The following ESR2 variants were observed in gnomAD, a reference collection of about 807,000 sequenced individuals.
The protein encoded by ESR2 is estrogen receptor 2.
ESR2 carries 36 observed loss-of-function variants against 49.6 expected under a neutral mutation model. The observed-to-expected ratio is 0.73, with a 90% CI of 0.56 to 0.96. The LOEUF (loss-of-function observed/expected upper bound fraction) is 0.96, where lower values mean the gene tolerates loss of function less well. Ranked by LOEUF, ESR2 falls within the 40% of genes least tolerant of loss-of-function variation. ESR2 has a pLI of 0.00. For synonymous variants in ESR2, 320 were observed against 266.1 expected, an observed-to-expected ratio of 1.20 and a Z score of -1.97; for missense variants, 714 against 693.0, an observed-to-expected ratio of 1.03 and a Z score of -0.34.
intron 3 of ESR2, among the ~76,000 whole-genome samples, chr14:64,270,035 A>G (rs1490095742): frequency 6.6e-6 from 1 of 152,174 alleles, no homozygotes; most frequent in Admixed American, 6.5e-5. Flanking sequence ...AAATTATAAT[A>G]AAATAGATGA....
chr14:64,324,383 A>G (rs1353899678), intron 1 of ESR2, among the ~76,000 whole-genome samples: 1 of 152,186 alleles, frequency 6.6e-6, no homozygotes, highest in East Asian at 1.9e-4. Flanking sequence ...CACTTTTCCA[A>G]TGTTAAGTGA....
At chr14:64,295,605 G>A (rs1053332369), upstream of ESR2, among the ~76,000 whole-genome samples, 47 of 152,180 alleles carry the variant, frequency 3.1e-4, no homozygotes, top group Admixed American at 1.3e-4. Flanking sequence ...GACGGGAAGA[G>A]TGTGTCGCTG....
intron 7 of ESR2, among the ~76,000 whole-genome samples, chr14:64,246,735 A>C (rs1402589776): frequency 1.6e-4 from 2 of 12,340 alleles, no homozygotes; most frequent in South Asian, 6.3e-3. Context: ...AGACTCTGTC[A>C]AAAAAAAAAA....
chr14:64,258,616 A>G (rs964190161), intron 5 of ESR2, among the ~76,000 whole-genome samples: 4 of 152,208 alleles, frequency 2.6e-5, no homozygotes, highest in African/African-American at 9.7e-5. Flanking sequence ...CAGCAGAGAG[A>G]ACACACATGG....
At chr14:64,329,843 A>C (rs2077434074) in intron 1 of ESR2, 1 of 152,146 alleles carries the variant, frequency 6.6e-6, no homozygotes, top group Non-Finnish European at 1.5e-5. Context: ...AAGTCAAGTC[A>C]AGATAAACTA....
chr14:64,239,428 T>TC (rs2075674591), intron 7 of ESR2, among the ~76,000 whole-genome samples: 1 of 152,232 alleles, frequency 6.6e-6, no homozygotes, highest in Non-Finnish European at 1.5e-5. Context: ...GCTTAACCCC[T>TC]CTATTTCTTT....
chr14:64,227,838 G>A, downstream of ESR2: 1 of 1,587,126 alleles, frequency 6.3e-7, no homozygotes, highest in South Asian at 1.1e-5. Context: ...TATATCGTCT[G>A]CAAATCTTTC....
chr14:64,234,974 C>T lies in ESR2; in HGVS notation c.1402G>A (p.Ala468Thr). The change falls in exon 8 of 9, where the codon GCG becomes ACG. Residue 468 changes from alanine (A) to threonine (T), a missense_variant. Coordinates refer to ENST00000341099, the MANE Select transcript of ESR2 (RefSeq NM_001437.3). ...GCAGCTCCTTAGGGCGCGTACCTCG[C>T]ATGCCTGACGTGGGACAGGAGCATC... ...LLMLLSHVRH[A>T]SNKGMEHLLN... The T allele has an allele frequency of 6.2e-7, 1 of 1,614,074 alleles. No individual in the cohort carries two copies. Among genetic ancestry groups the T allele is most frequent in the Non-Finnish European group, 8.5e-7 (1 of 1,179,918 alleles).
At chr14:64,331,417 CTT>C (rs2077456468) in intron 1 of ESR2, among the ~76,000 whole-genome samples, 1 of 152,212 alleles carries the variant, frequency 6.6e-6, no homozygotes, top group African/African-American at 2.4e-5. Context: ...TTTTGACACA[CTT>C]TTCTCAATAA....
chr14:64,333,289 C>T (rs1010098902), intron 1 of ESR2, among the ~76,000 whole-genome samples: 1 of 152,028 alleles, frequency 6.6e-6, no homozygotes, highest in South Asian at 2.1e-4. Flanking sequence ...TTTTATAATT[C>T]GTTCCGTTAA....
intron 1 of ESR2, among the ~76,000 whole-genome samples, chr14:64,288,542 GT>G (rs1425481269): frequency 6.6e-6 from 1 of 151,714 alleles, no homozygotes; most frequent in Non-Finnish European, 1.5e-5. Flanking sequence ...TAGAGACGGG[GT>G]TTCACCATGT....
chr14:64,263,490 C>G (rs1314374454), intron 4 of ESR2, among the ~76,000 whole-genome samples: 1 of 152,054 alleles, frequency 6.6e-6, no homozygotes, highest in East Asian at 1.9e-4. Flanking sequence ...AACCCCATCT[C>G]TACTACAAAT....
At chr14:64,256,824 T>C (rs2076108628) in intron 6 of ESR2, among the ~76,000 whole-genome samples, 2 of 152,148 alleles carry the variant, frequency 1.3e-5, no homozygotes, top group South Asian at 4.1e-4. Context: ...TCTAAGAATT[T>C]TATCACCTGT....
At chr14:64,262,268 C>T (rs1031617368) in intron 4 of ESR2, among the ~76,000 whole-genome samples, 3 of 152,188 alleles carry the variant, frequency 2.0e-5, no homozygotes, top group Admixed American at 2.0e-4. Flanking sequence ...GTGTGCACCA[C>T]CACATCTGAC....
intron 7 of ESR2, among the ~76,000 whole-genome samples, chr14:64,235,514 A>T (rs2075578064): frequency 6.6e-6 from 1 of 152,220 alleles, no homozygotes; most frequent in South Asian, 2.1e-4. Flanking sequence ...GATTAATTCT[A>T]CTTTTAGCCC....
intron 1 of ESR2, among the ~76,000 whole-genome samples, chr14:64,283,807 A>G (rs1343374988): frequency 7.1e-6 from 1 of 140,546 alleles, no homozygotes; most frequent in Non-Finnish European, 1.5e-5. Context: ...AAGTTTTTAA[A>G]AGAAAGAAAA....
chr14:64,286,963 C>T (rs1186925344), intron 1 of ESR2, among the ~76,000 whole-genome samples: 2 of 151,180 alleles, frequency 1.3e-5, no homozygotes, highest in Non-Finnish European at 2.9e-5. Context: ...GTGATCTGCC[C>T]GCCTTAGCCT....
intron 4 of ESR2, among the ~76,000 whole-genome samples, chr14:64,263,696 C>T (rs937380190): frequency 4.0e-5 from 6 of 151,680 alleles, no homozygotes; most frequent in African/African-American, 1.2e-4. Context: ...TAAAACACAG[C>T]CTCCAAACAC....
intron 3 of ESR2, among the ~76,000 whole-genome samples, chr14:64,272,587 AG>A (rs539832576): frequency 2.6e-5 from 4 of 152,194 alleles, no homozygotes; most frequent in Non-Finnish European, 5.9e-5. Context: ...GGTGAGAGAT[AG>A]GGATCTAGTT....
Sources: allele counts gnomAD v4.1 joint callset (sites outside exome capture counted in the v4.1 genomes callset), GRCh38; gene constraint gnomAD v4.1.1; transcripts MANE v1.5; gene names NCBI Gene and HGNC (gene_info 2026-07-23, HGNC 2026-07-21).